TLN2: variants seen among roughly 807,000 people sequenced by gnomAD.
The protein encoded by TLN2 is talin 2, also known as talin-2.
A neutral mutation model predicts 294.7 loss-of-function variants in TLN2; 118 were observed. The observed-to-expected ratio is 0.40, with a 90% CI of 0.34 to 0.47. The LOEUF (loss-of-function observed/expected upper bound fraction) is 0.47, where lower values mean the gene tolerates loss of function less well. Ranked by LOEUF, TLN2 falls within the 20% of genes least tolerant of loss-of-function variation. TLN2 has a pLI of 0.84. For synonymous variants in TLN2, 1,431 were observed against 1,304.5 expected, an observed-to-expected ratio of 1.10 and a Z score of -2.09; for missense variants, 3,083 against 3,282.2, an observed-to-expected ratio of 0.94 and a Z score of 1.48.
chr15:62,691,015 G>GGAGGGAGACTGTGGGA (rs1595675395), intron 12 of TLN2, among the ~76,000 whole-genome samples: 18 of 134,662 alleles, frequency 1.3e-4, no homozygotes, highest in East Asian at 1.3e-3. Flanking sequence ...AAAGAGAGGG[G>GGAGGGAGACTGTGGGA]GAGGGAGACC....
At chr15:62,782,598 C>G (rs1007474332) in intron 44 of TLN2, among the ~76,000 whole-genome samples, 1 of 152,286 alleles carries the variant, frequency 6.6e-6, no homozygotes, top group Non-Finnish European at 1.5e-5. Flanking sequence ...GTGAAAGAGG[C>G]CCTTCTCACC....
At chr15:62,828,663 A>C (rs2068456719) in intron 54 of TLN2, 1 of 152,286 alleles carries the variant, frequency 6.6e-6, no homozygotes, top group Non-Finnish European at 1.5e-5. Flanking sequence ...CTGTGTATGC[A>C]TCTGTCCACC....
At chr15:62,821,003 G>A (rs1284353676) in intron 54 of TLN2, among the ~76,000 whole-genome samples, 2 of 152,208 alleles carry the variant, frequency 1.3e-5, no homozygotes, top group Non-Finnish European at 2.9e-5. Context: ...GGGAATCAGA[G>A]GGCAATGAGA....
intron 22 of TLN2, among the ~76,000 whole-genome samples, chr15:62,715,514 C>T (rs772823288): frequency 3.9e-5 from 6 of 152,190 alleles, no homozygotes; most frequent in Non-Finnish European, 7.3e-5. Flanking sequence ...AAAATTATAT[C>T]CTTTCTCTAC....
At chr15:62,751,192 T>C (rs2061922111) in intron 34 of TLN2, among the ~76,000 whole-genome samples, 1 of 151,712 alleles carries the variant, frequency 6.6e-6, no homozygotes, top group African/African-American at 2.4e-5. Flanking sequence ...ATCATACCAA[T>C]GTCTTTTGAG....
intron 12 of TLN2, among the ~76,000 whole-genome samples, chr15:62,688,858 T>G (rs1168892274): frequency 6.6e-6 from 1 of 152,136 alleles, no homozygotes; most frequent in Non-Finnish European, 1.5e-5. Flanking sequence ...ATACATCTTT[T>G]TCCATCCTTT....
chr15:62,816,376 G>T (rs996007774), intron 52 of TLN2, among the ~76,000 whole-genome samples: 1 of 152,182 alleles, frequency 6.6e-6, no homozygotes, highest in East Asian at 1.9e-4. Flanking sequence ...TGAGATCTTT[G>T]GCAGGGCTAA....
At chr15:62,626,593 G>A (rs911006740) in intron 3 of TLN2, among the ~76,000 whole-genome samples, 1 of 143,930 alleles carries the variant, frequency 6.9e-6, no homozygotes, top group Non-Finnish European at 1.6e-5. Flanking sequence ...CCTGATCTGG[G>A]CAAGTCAGCG....
intron 1 of TLN2, among the ~76,000 whole-genome samples, chr15:62,531,932 T>C (rs76718585): frequency 6.6e-6 from 1 of 152,342 alleles, no homozygotes; most frequent in East Asian, 1.9e-4. Context: ...ATCATTGTCT[T>C]GTTGTTACGT....
intron 23 of TLN2, 102 bp downstream of exon 23, chr15:62,716,561 C>A: frequency 7.1e-7 from 1 of 1,402,136 alleles, no homozygotes; most frequent in Non-Finnish European, 9.4e-7. Flanking sequence ...TAAAGAAAGC[C>A]AAGTCAAGGT....
chr15:62,807,644 G>C (rs2066382743), intron 51 of TLN2, among the ~76,000 whole-genome samples: 3 of 152,166 alleles, frequency 2.0e-5, no homozygotes, highest in Admixed American at 2.0e-4. Context: ...CTCCTAACGT[G>C]TGCTCCCCTG....
chr15:62,526,188 G>A lies in TLN2; in HGVS notation c.-237-63499G>A, dbSNP rs1261091311. 3.3e-5 allele frequency among the ~76,000 whole-genome samples: 5 copies of A among 152,116 alleles called. No homozygotes were observed. The East Asian group carries it at 9.6e-4, about 29-fold the overall frequency. On this transcript the variant is annotated intron_variant, in intron 1 of 58. Transcript: ENST00000636159. The stretch of plus-strand genomic sequence containing the variant: ...TCTGTCACCCAGGCTGGAGTGAAGT[G>A]GCGCAATCTCGGCTCACTGCAAGTT...
At chr15:62,835,711 G>A in intron 55 of TLN2, 26 bp from the exon 56 acceptor site, 1 of 1,613,996 alleles carries the variant, frequency 6.2e-7, no homozygotes, top group Non-Finnish European at 8.5e-7. Context: ...TGCCCTCATG[G>A]CCAATTTCTC....
intron 9 of TLN2, among the ~76,000 whole-genome samples, chr15:62,670,431 C>T (rs1328960766): frequency 3.3e-5 from 5 of 152,144 alleles, no homozygotes; most frequent in Non-Finnish European, 7.3e-5. Flanking sequence ...GATGTTGGTG[C>T]CGTCCAATTC....
chr15:62,733,611 A>T (rs139158743), intron 28 of TLN2, among the ~76,000 whole-genome samples: 4 of 152,344 alleles, frequency 2.6e-5, no homozygotes, highest in Non-Finnish European at 5.9e-5. Context: ...TGAGGTTGCT[A>T]TGTGGCCCAA....
At chr15:62,425,278 G>C (rs1040713814) in intron 1 of TLN2, among the ~76,000 whole-genome samples, 4 of 152,056 alleles carry the variant, frequency 2.6e-5, no homozygotes, top group African/African-American at 7.2e-5. Flanking sequence ...AGCTTCCCAG[G>C]TGATTCTAAT....
intron 1 of TLN2, among the ~76,000 whole-genome samples, chr15:62,524,536 A>G (rs961846899): frequency 3.9e-5 from 6 of 152,262 alleles, no homozygotes; most frequent in Admixed American, 3.9e-4. Flanking sequence ...TGAACCTTGG[A>G]TAGGACTTCA....
intron 2 of TLN2, among the ~76,000 whole-genome samples, chr15:62,599,834 C>T (rs2140774981): frequency 6.6e-6 from 1 of 152,208 alleles, no homozygotes; most frequent in South Asian, 2.1e-4. Context: ...CGCTTGCTGT[C>T]CCTGTTGGCC....
intron 2 of TLN2, among the ~76,000 whole-genome samples, chr15:62,599,301 C>T (rs2046802482): frequency 6.6e-6 from 1 of 152,078 alleles, no homozygotes; most frequent in Admixed American, 6.6e-5. Flanking sequence ...AGGGTGATGT[C>T]CCACATTTAA....
Sources: gnomAD v4.1 joint callset for allele counts (sites outside exome capture counted in the v4.1 genomes callset) on GRCh38, gnomAD v4.1.1 for gene constraint, MANE v1.5 for transcripts, NCBI Gene and HGNC (gene_info 2026-07-23, HGNC 2026-07-21) for gene names.